Variants in CNTNAP5 observed in about 807,000 individuals in gnomAD.
CNTNAP5 encodes contactin associated protein family member 5, also known as contactin-associated protein-like 5.
Under a neutral mutation model 150.2 loss-of-function variants are expected in CNTNAP5, and 72 were observed. The ratio of observed to expected loss-of-function variants is 0.48; its 90% confidence interval spans 0.40 to 0.58. CNTNAP5 has a LOEUF of 0.58. Among genes scored for constraint, CNTNAP5 ranks in the 20% least tolerant of loss-of-function variants. CNTNAP5 has a pLI of 0.00. For synonymous variants in CNTNAP5, 672 were observed against 619.8 expected, an observed-to-expected ratio of 1.08 and a Z score of -1.25; for missense variants, 1,636 against 1,626.2, an observed-to-expected ratio of 1.01 and a Z score of -0.10.
intron 7 of CNTNAP5, among the ~76,000 whole-genome samples, chr2:124,493,633 C>A (rs1267696692): frequency 6.6e-6 from 1 of 152,008 alleles, no homozygotes; most frequent in Non-Finnish European, 1.5e-5. Context: ...GCCACCGCAT[C>A]CTGCCTTAAT....
intron 3 of CNTNAP5, among the ~76,000 whole-genome samples, chr2:124,360,500 C>A (rs1452594254): frequency 1.4e-5 from 2 of 139,208 alleles, no homozygotes; most frequent in Admixed American, 7.3e-5. Flanking sequence ...TTAGGGCAGG[C>A]CTGGTGGTGA....
At chr2:124,467,630 A>G (rs1693408673) in intron 6 of CNTNAP5, among the ~76,000 whole-genome samples, 1 of 152,200 alleles carries the variant, frequency 6.6e-6, no homozygotes, top group African/African-American at 2.4e-5. Context: ...TTTATAAAAT[A>G]TTCAGAAAAG....
intron 1 of CNTNAP5, among the ~76,000 whole-genome samples, chr2:124,026,151 G>A (rs1256727203): frequency 1.3e-5 from 2 of 152,168 alleles, no homozygotes; most frequent in South Asian, 2.1e-4. Flanking sequence ...TGAATGCAGT[G>A]CCTCGGATTT....
At chr2:124,731,001 A>G (rs1477733758) in intron 13 of CNTNAP5, among the ~76,000 whole-genome samples, 1 of 152,058 alleles carries the variant, frequency 6.6e-6, no homozygotes. Flanking sequence ...TATTTTATTC[A>G]TTAGAAGAGC....
rs539112464 is a variant in CNTNAP5 at position 124,707,296 on chromosome 2, A to G, written c.2078-39933A>G. Among the ~76,000 whole-genome samples, 44 of 152,248 alleles carry G rather than the reference A, an allele frequency of 2.9e-4. 1 individual carries two copies. In the South Asian group the frequency reaches 5.8e-3, roughly 20 times the overall value. ...CCCAGGGTCACCTGGAGGTCTGGCA[A>G]GAGAGAAAAGATGAGGCATGGACTT... On this transcript the variant is annotated intron_variant, in intron 13 of 23. Transcript: ENST00000682447.
chr2:124,046,257 G>T (rs1681531642), intron 1 of CNTNAP5, among the ~76,000 whole-genome samples: 1 of 152,082 alleles, frequency 6.6e-6, no homozygotes, highest in African/African-American at 2.4e-5. Context: ...TGACAGAAAA[G>T]GAAAACTTCA....
chr2:124,068,833 C>T (rs1682228760), intron 1 of CNTNAP5, among the ~76,000 whole-genome samples: 1 of 152,044 alleles, frequency 6.6e-6, no homozygotes, highest in South Asian at 2.1e-4. Context: ...AGCTCCCAGA[C>T]AACATTTCTA....
At chr2:124,457,662 C>G (rs1015425212) in intron 6 of CNTNAP5, among the ~76,000 whole-genome samples, 23 of 151,980 alleles carry the variant, frequency 1.5e-4, no homozygotes, top group African/African-American at 5.3e-4. Context: ...AGATATTAAG[C>G]CCAGCACCCA....
chr2:124,453,596 T>C (rs1036151249), intron 6 of CNTNAP5, among the ~76,000 whole-genome samples: 2 of 152,128 alleles, frequency 1.3e-5, no homozygotes, highest in African/African-American at 4.8e-5. Flanking sequence ...TTATCTAAAG[T>C]TAAGATGAAG....
chr2:124,780,056 C>A (rs1432598020), intron 17 of CNTNAP5, among the ~76,000 whole-genome samples: 1 of 152,112 alleles, frequency 6.6e-6, no homozygotes, highest in Non-Finnish European at 1.5e-5. Flanking sequence ...CTCCCCGTGC[C>A]GTCCATTCCA....
intron 1 of CNTNAP5, among the ~76,000 whole-genome samples, chr2:124,112,942 A>G (rs913925790): frequency 6.6e-6 from 1 of 152,304 alleles, no homozygotes; most frequent in African/African-American, 2.4e-5. Flanking sequence ...AATCCACACA[A>G]AACCAAAATA....
intron 3 of CNTNAP5, among the ~76,000 whole-genome samples, chr2:124,412,746 T>C (rs1486152803): frequency 9.2e-6 from 1 of 108,668 alleles, no homozygotes; most frequent in Non-Finnish European, 1.8e-5. Flanking sequence ...GGATTAAAGA[T>C]TTAAACGTTA....
At chr2:124,138,409 G>A (rs1684027806) in intron 1 of CNTNAP5, among the ~76,000 whole-genome samples, 1 of 152,200 alleles carries the variant, frequency 6.6e-6, no homozygotes, top group Admixed American at 6.5e-5. Context: ...AGGGAGCCTT[G>A]TACTCTTAAT....
At chr2:124,863,818 G>A (rs1325539835) in intron 19 of CNTNAP5, among the ~76,000 whole-genome samples, 3 of 152,140 alleles carry the variant, frequency 2.0e-5, no homozygotes, top group Admixed American at 1.3e-4. Context: ...TCTTTGGGAT[G>A]AGGGAATATG....
At chr2:124,726,048 T>A (rs1026794582) in intron 13 of CNTNAP5, among the ~76,000 whole-genome samples, 5 of 152,106 alleles carry the variant, frequency 3.3e-5, no homozygotes, top group African/African-American at 1.2e-4. Flanking sequence ...ACCTCCATAC[T>A]GTTTTCTGTA....
intron 1 of CNTNAP5, among the ~76,000 whole-genome samples, chr2:124,122,725 A>G (rs1683593640): frequency 6.6e-6 from 1 of 151,032 alleles, no homozygotes; most frequent in Admixed American, 6.6e-5. Context: ...TCCCAATTTT[A>G]CAGATGCAAA....
chr2:124,214,776 T>C (rs913624901), intron 1 of CNTNAP5, among the ~76,000 whole-genome samples: 4 of 152,186 alleles, frequency 2.6e-5, no homozygotes, highest in Non-Finnish European at 5.9e-5. Flanking sequence ...GCTCAGGGTC[T>C]ATGTATTTGA....
intron 7 of CNTNAP5, among the ~76,000 whole-genome samples, chr2:124,479,707 T>C (rs1693722601): frequency 6.6e-6 from 1 of 152,132 alleles, no homozygotes; most frequent in Non-Finnish European, 1.5e-5. Flanking sequence ...CAAAATGCCT[T>C]TTCTTTTGTC....
chr2:124,439,250 C>A (rs1019389257), intron 5 of CNTNAP5, among the ~76,000 whole-genome samples: 6 of 151,956 alleles, frequency 3.9e-5, no homozygotes, highest in African/African-American at 1.5e-4. Flanking sequence ...TCACATTTTT[C>A]ATAAATTCTG....
Sources: allele counts gnomAD v4.1 joint callset (sites outside exome capture counted in the v4.1 genomes callset), GRCh38; gene constraint gnomAD v4.1.1; transcripts MANE v1.5; gene names NCBI Gene and HGNC (gene_info 2026-07-23, HGNC 2026-07-21).